The following WDR86 variants were observed in gnomAD, a reference collection of about 807,000 sequenced individuals.
The protein encoded by WDR86 is WD repeat-containing protein 86.
WDR86 carries 30 observed loss-of-function variants against 36.5 expected under a neutral mutation model. The ratio of observed to expected loss-of-function variants is 0.82; its 90% CI spans 0.61 to 1.11. WDR86 has a LOEUF of 1.11. WDR86 is among the 50% of genes most tolerant of loss of function. The pLI is 0.00. For synonymous variants in WDR86, 255 were observed against 252.9 expected, an observed-to-expected ratio of 1.01 and a Z score of -0.08; for missense variants, 545 against 561.2, an observed-to-expected ratio of 0.97 and a Z score of 0.29.
chr7:151,408,738 C>A lies in WDR86; in HGVS notation c.163+689G>T, dbSNP rs1021340707. On this transcript the variant is annotated intron_variant, in intron 1 of 5. Coordinates refer to ENST00000334493, the MANE Select transcript of WDR86 (RefSeq NM_198285.3). ...GACCTCACAGTGCATGGGACAGGCC[C>A]AGGGGAAGGTGCACCCGAGGCACAC... The A allele has an allele frequency of 1.0e-5, 4 of 385,710 alleles. No individual in the cohort carries two copies. The East Asian group carries it at 2.9e-4, about 28-fold the overall frequency. The allele number at this position is 385,710 out of a possible 1,614,324, so 23.9% of individuals were successfully genotyped here. A position where few individuals can be genotyped will look rare whatever the true frequency, so the allele number is the denominator to read the frequency against.
intron 3 of WDR86, among the ~76,000 whole-genome samples, chr7:151,387,187 GGC>G (rs1799046970): frequency 6.6e-6 from 1 of 152,188 alleles, no homozygotes; most frequent in Non-Finnish European, 1.5e-5. Context: ...TCCAAGGACT[GGC>G]CAGCTTTGCA....
downstream of WDR86, among the ~76,000 whole-genome samples, chr7:151,371,369 C>CT (rs397945466): frequency 7.8e-6 from 1 of 127,796 alleles, no homozygotes; most frequent in Non-Finnish European, 1.6e-5. Context: ...CCCCACCCCC[C>CT]ACCCCATGTC....
chr7:151,380,402 G>A (rs955512760), downstream of WDR86, among the ~76,000 whole-genome samples: 1 of 64,378 alleles, frequency 1.6e-5, no homozygotes, highest in Admixed American at 1.6e-4. Flanking sequence ...CTACCTGAAA[G>A]GGCTGCTCCA....
Position 151,385,973 on chromosome 7 carries a change from C to T in WDR86, c.727-750G>A, listed in dbSNP as rs553778207. Among the ~76,000 whole-genome samples, 6 of 152,326 alleles carry T rather than the reference C, an allele frequency of 3.9e-5. No homozygotes were observed. The South Asian group carries it at 1.0e-3, about 26-fold the overall frequency. On this transcript the variant is annotated intron_variant, in intron 3 of 5. Transcript: ENST00000334493. Reference sequence around the variant, plus strand: ...AGCCAGCACCTCTGGTCAGCAGTCACGGACGAGAAGGCCAGGGCGGGCAGG... The same window carrying T: ...AGCCAGCACCTCTGGTCAGCAGTCATGGACGAGAAGGCCAGGGCGGGCAGG...
intron 3 of WDR86, among the ~76,000 whole-genome samples, chr7:151,391,276 A>C (rs1434150122): frequency 6.6e-6 from 1 of 152,218 alleles, no homozygotes; most frequent in Non-Finnish European, 1.5e-5. Flanking sequence ...GGATCTGCTC[A>C]TGAGGCTCCT....
chr7:151,402,065 AAAAAAAT>A (rs1800354556), intron 1 of WDR86, among the ~76,000 whole-genome samples: 2 of 110,030 alleles, frequency 1.8e-5, no homozygotes, highest in Admixed American at 9.3e-5. Flanking sequence ...AAAAAAAAAA[AAAAAAAT>A]ATATATATAT....
rs918043419 is a variant in WDR86 at position 151,409,227 on chromosome 7, C to T, written c.163+200G>A. The T allele has an allele frequency of 4.0e-5, 36 of 911,352 alleles. No homozygotes were observed. The African/African-American group carries it at 5.4e-4, about 14-fold the overall frequency. 56.5% of individuals were successfully genotyped at this position (911,352 alleles called of 1,614,324 possible). ...GCCGCACCCTGCTCTGCACCCGCAC[C>T]CCACCCCCAGACCTCACCCTGCCCT... On this transcript the variant is annotated intron_variant, in intron 1 of 5. Transcript: ENST00000334493. The surrounding 1 kb of genome is among the most constrained non-coding windows in gnomAD (Gnocchi z 5.2).
chr7:151,381,167 C>A lies in WDR86; in HGVS notation c.*415G>T, dbSNP rs929193229. The A allele has an allele frequency of 2.4e-5, 30 of 1,251,580 alleles. No individual in the cohort carries two copies. Among genetic ancestry groups the A allele is most frequent in the Non-Finnish European group, 3.0e-5 (30 of 1,000,958 alleles). 77.5% of individuals were successfully genotyped at this position (1,251,580 alleles called of 1,614,324 possible). A position where few individuals can be genotyped will look rare whatever the true frequency, so the allele number is the denominator to read the frequency against. ...ATATTTCAGTTCCCCCCAAGGCCCT[C>A]GAGACGGACGATTTGCCAAAATAAC... is the stretch of plus-strand genomic sequence containing the variant. On this transcript the variant is annotated 3_prime_UTR_variant, in exon 6 of 6. Coordinates refer to ENST00000334493, the MANE Select transcript of WDR86 (RefSeq NM_198285.3). The surrounding 1 kb of genome is among the most constrained non-coding windows in gnomAD (Gnocchi z 4.8).
intron 1 of WDR86, among the ~76,000 whole-genome samples, chr7:151,404,281 C>T (rs1394394532): frequency 1.3e-5 from 2 of 152,230 alleles, no homozygotes; most frequent in African/African-American, 4.8e-5. Flanking sequence ...TGCCCTCTGC[C>T]CTCTGCCCTG....
chr7:151,372,239 A>C (rs1368637654), downstream of WDR86, among the ~76,000 whole-genome samples: 5 of 152,240 alleles, frequency 3.3e-5, no homozygotes, highest in African/African-American at 9.6e-5. Context: ...ACTTCAGTGC[A>C]GTACTCACTG....
chr7:151,388,656 C>G lies in WDR86; in HGVS notation c.727-3433G>C, dbSNP rs1212456655. On this transcript the variant is annotated intron_variant, in intron 3 of 5. Coordinates refer to ENST00000334493, the MANE Select transcript of WDR86 (RefSeq NM_198285.3). The surrounding 1 kb of genome is among the most constrained non-coding windows in gnomAD (Gnocchi z 4.2). The stretch of plus-strand genomic sequence containing the variant: ...GCAGTCCTGTAAAAGGCGAGGGAGG[C>G]AGAGGCCCCTCTGGGCACGGTGGTT... 6.6e-6 allele frequency among the ~76,000 whole-genome samples: 1 copy of G among 152,232 alleles called. No homozygotes were observed. Among genetic ancestry groups the G allele is most frequent in the Admixed American group, 6.5e-5 (1 of 15,278 alleles).
Position 151,409,798 on chromosome 7 carries a change from GC to G in WDR86, c.-210del. On this transcript the variant is annotated 5_prime_UTR_variant, in exon 1 of 6. Coordinates refer to ENST00000334493, the MANE Select transcript of WDR86 (RefSeq NM_198285.3). The surrounding 1 kb of genome is among the most constrained non-coding windows in gnomAD (Gnocchi z 5.2). ...TCTGGGCCCGCGAACCCAGGGCGCT[GC>G]GGGGGGCGGCCCACTCGGGACCTCC... 3 of 1,265,542 alleles carry G rather than the reference GC, an allele frequency of 2.4e-6. No individual in the cohort carries two copies. Among genetic ancestry groups the G allele is most frequent in the Non-Finnish European group, 3.0e-6 (3 of 1,009,286 alleles). The allele number at this position is 1,265,542 out of a possible 1,614,324, so 78.4% of individuals were successfully genotyped here. A position where few individuals can be genotyped will look rare whatever the true frequency, so the allele number is the denominator to read the frequency against.
rs1800683566 is a variant in WDR86 at position 151,406,096 on chromosome 7, A to G, written c.163+3331T>C. Among the ~76,000 whole-genome samples, 1 of 152,220 alleles carries G rather than the reference A, an allele frequency of 6.6e-6. No individual in the cohort carries two copies. The highest frequency in any genetic ancestry group is 2.4e-5 in the African/African-American group (1 of 41,454). ...TTCTTCTCTTTGCAGAGTAATTGCA[A>G]TGAAGCCTTTTTCACTGTGAGCTCA... On this transcript the variant is annotated intron_variant, in intron 1 of 5. Transcript: ENST00000334493. This position sits in a 1 kb window ranked among gnomAD's most constrained non-coding sequence, Gnocchi z 4.4.
downstream of WDR86, chr7:151,373,990 G>A (rs1798083972): frequency 3.0e-6 from 4 of 1,313,990 alleles, no homozygotes; most frequent in South Asian, 1.6e-5. Context: ...CTTTGCTTTG[G>A]TTTTTTGGCT....
downstream of WDR86, chr7:151,376,763 C>T: frequency 1.3e-6 from 2 of 1,595,528 alleles, no homozygotes; most frequent in Non-Finnish European, 8.5e-7. Context: ...GCCGCTGTCG[C>T]CAGAAGACTC....
At chr7:151,371,768 G>T (rs1259989420), downstream of WDR86, among the ~76,000 whole-genome samples, 1 of 152,242 alleles carries the variant, frequency 6.6e-6, no homozygotes, top group Non-Finnish European at 1.5e-5. Flanking sequence ...GTTTGAGACA[G>T]AGCCTTGCTC....
chr7:151,409,555 G>A lies in WDR86; in HGVS notation c.35C>T (p.Ala12Val). The part of the protein sequence containing the change: ...GGGGSALRVC[A>V]DHRGGINWLS... ...CCAGTTGATGCCCCCGCGGTGGTCG[G>A]CGCAGACCCTCAGGGCCGACCCGCC... The change falls in exon 1 of 6, where the codon GCC (alanine) becomes GTC (valine). Residue 12 changes from alanine to valine, a missense_variant. By Grantham distance (64) the Ala-to-Val change is moderately conservative. Transcript: ENST00000334493. This position sits in a 1 kb window ranked among gnomAD's most constrained non-coding sequence, Gnocchi z 5.2. The A allele has an allele frequency of 6.7e-7, 1 of 1,501,394 alleles. No homozygotes were observed. The allele number at this position is 1,501,394 out of a possible 1,614,324, so 93.0% of individuals were successfully genotyped here.
downstream of WDR86, among the ~76,000 whole-genome samples, chr7:151,380,411 C>T (rs1032793050): frequency 1.6e-5 from 1 of 64,430 alleles, no homozygotes; most frequent in Non-Finnish European, 5.3e-5. Flanking sequence ...AGGGCTGCTC[C>T]ACTTGAAGGG....
downstream of WDR86, chr7:151,377,852 GCC>G (rs1563035843): frequency 1.3e-5 from 2 of 152,184 alleles, no homozygotes; most frequent in Non-Finnish European, 2.9e-5. Context: ...AGTAAAATAC[GCC>G]CCCGAAATTC....
Sources: allele counts gnomAD v4.1 joint callset (sites outside exome capture counted in the v4.1 genomes callset), GRCh38; gene constraint gnomAD v4.1.1; non-coding constraint Gnocchi (gnomAD v3.1); transcripts MANE v1.5; gene names NCBI Gene and HGNC (gene_info 2026-07-23, HGNC 2026-07-21).